Variants in SPPL3 observed in about 807,000 individuals in gnomAD.
SPPL3 encodes the protein signal peptide peptidase like 3.
SPPL3 carries 5 observed loss-of-function variants against 42.4 expected under a neutral mutation model. The observed-to-expected ratio is 0.12, with a 90% CI of 0.06 to 0.25. The LOEUF (loss-of-function observed/expected upper bound fraction) is 0.25, where lower values mean the gene tolerates loss of function less well. Among genes scored for constraint, SPPL3 ranks in the 10% least tolerant of loss-of-function variants. The pLI, the probability that SPPL3 is intolerant of heterozygous loss-of-function variation, is 1.00. For synonymous variants in SPPL3, 195 were observed against 181.8 expected, an observed-to-expected ratio of 1.07 and a Z score of -0.58; for missense variants, 235 against 489.0, an observed-to-expected ratio of 0.48 and a Z score of 4.90.
rs1158145574 is a variant in SPPL3, at chr12:120,820,993, T to C, written c.24-10107A>G. On this transcript the variant is annotated intron_variant, in intron 1 of 10. Coordinates refer to ENST00000353487, the MANE Select transcript of SPPL3 (RefSeq NM_139015.5). ...ATTTCATGGAAAGACATATATGAAA[T>C]ATACTATATGTTAATATTTTATATT... 2.0e-5 allele frequency among the ~76,000 whole-genome samples: 3 copies of C among 152,174 alleles called. No individual in the cohort carries two copies. In the East Asian group the frequency reaches 5.8e-4, roughly 29 times the overall value.
At chr12:120,881,328 G>A (rs1323503798) in intron 1 of SPPL3, among the ~76,000 whole-genome samples, 1 of 150,872 alleles carries the variant, frequency 6.6e-6, no homozygotes, top group East Asian at 1.9e-4. Flanking sequence ...AATTAGCTGG[G>A]CGTGTTGGTG....
At position 120,789,824 on chromosome 12, in the gene SPPL3, C is replaced by CAAAAAAAAAAAAAAAAAA. The variant is rs3050392; in HGVS notation, c.190+1627_190+1644dup. On this transcript the variant is annotated intron_variant, in intron 3 of 10. Transcript: ENST00000353487. ...TGAATGACAGAGCAAGACTCCGTCT[C>CAAAAAAAAAAAAAAAAAA]AAAAAAAAAAAAAAAAAAAAAAAAA... is the stretch of plus-strand genomic sequence containing the variant. Among the ~76,000 whole-genome samples the CAAAAAAAAAAAAAAAAAA allele has an allele frequency of 1.6e-4, 5 of 30,464 alleles. 1 individual carries two copies. Among genetic ancestry groups the CAAAAAAAAAAAAAAAAAA allele is most frequent in the Admixed American group, 4.3e-4 (1 of 2,308 alleles). The allele number at this position is 30,464 out of a possible 152,430, so 20.0% of individuals were successfully genotyped here.
intron 1 of SPPL3, chr12:120,835,381 A>C (rs1871577774): frequency 6.6e-6 from 1 of 152,242 alleles, no homozygotes; most frequent in African/African-American, 2.4e-5. Context: ...TTCTTTCGTT[A>C]TCTCTCCTTC....
intron 1 of SPPL3, among the ~76,000 whole-genome samples, chr12:120,893,727 C>T (rs1029638730): frequency 5.3e-5 from 8 of 152,110 alleles, no homozygotes; most frequent in Non-Finnish European, 1.0e-4. Flanking sequence ...GCCTTTTCAT[C>T]GCCACTGCAC....
chr12:120,874,090 A>C lies in SPPL3; in HGVS notation c.23+29755T>G, dbSNP rs146156480. Among the ~76,000 whole-genome samples the C allele has an allele frequency of 4.2e-3, 636 of 152,210 alleles. 4 individuals are homozygous for C. The highest frequency in any genetic ancestry group is 5.2e-3 in the Non-Finnish European group (355 of 68,014). On this transcript the variant is annotated intron_variant, in intron 1 of 10. Coordinates refer to ENST00000353487, the MANE Select transcript of SPPL3 (RefSeq NM_139015.5). ...CCCTACTACAACTAATGTTAAAGGA[A>C]TTTCTCCACACAGAAGAAAAATACC...
chr12:120,816,009 C>T (rs200836396), intron 1 of SPPL3, among the ~76,000 whole-genome samples: 3 of 152,102 alleles, frequency 2.0e-5, no homozygotes, highest in East Asian at 3.9e-4. Context: ...GGATTACATG[C>T]GTAAGCCACC....
chr12:120,796,681 A>G (rs1870109289), intron 2 of SPPL3, among the ~76,000 whole-genome samples: 1 of 152,158 alleles, frequency 6.6e-6, no homozygotes, highest in South Asian at 2.1e-4. Flanking sequence ...ATGATTTATT[A>G]GGTGGGTCTG....
At chr12:120,825,058 G>A (rs934468443) in intron 1 of SPPL3, among the ~76,000 whole-genome samples, 2 of 150,350 alleles carry the variant, frequency 1.3e-5, no homozygotes, top group Non-Finnish European at 3.0e-5. Flanking sequence ...ACTACCTTAA[G>A]TCTACTGGAT....
intron 1 of SPPL3, among the ~76,000 whole-genome samples, chr12:120,877,921 C>T (rs2137055037): frequency 6.6e-6 from 1 of 151,946 alleles, no homozygotes; most frequent in East Asian, 1.9e-4. Context: ...ACTTGGGAGC[C>T]TGAGGCAGGA....
At chr12:120,783,811 T>C (rs746773338) in intron 4 of SPPL3, 59 bp from the exon 5 acceptor site, 77 of 1,482,966 alleles carry the variant, frequency 5.2e-5, no homozygotes, top group Non-Finnish European at 6.1e-5. Context: ...GCATGACTTA[T>C]AGAAACTTCA....
Position 120,762,995 on chromosome 12 carries a change from G to C in SPPL3, c.*2004C>G, listed in dbSNP as rs191646573. The C allele has an allele frequency of 2.6e-5, 4 of 152,354 alleles. No individual in the cohort carries two copies. The highest frequency in any genetic ancestry group is 9.6e-5 in the African/African-American group (4 of 41,572). 9.4% of individuals were successfully genotyped at this position (152,354 alleles called of 1,614,324 possible). On this transcript the variant is annotated 3_prime_UTR_variant, in exon 11 of 11. Transcript: ENST00000353487. ...ATATGCATCCTCGAGGGCTGAGAAG[G>C]AAGGAAGGGAGAGTCCGCAAGTGGA... is the stretch of plus-strand genomic sequence containing the variant.
chr12:120,887,419 A>C (rs546825588), intron 1 of SPPL3, among the ~76,000 whole-genome samples: 1 of 152,036 alleles, frequency 6.6e-6, no homozygotes, highest in Non-Finnish European at 1.5e-5. Flanking sequence ...TGACACATCA[A>C]GGCACCCCTC....
At chr12:120,870,160 A>G (rs1872876395) in intron 1 of SPPL3, among the ~76,000 whole-genome samples, 1 of 152,192 alleles carries the variant, frequency 6.6e-6, no homozygotes, top group Non-Finnish European at 1.5e-5. Context: ...TAAAGAAAAA[A>G]AAGGGCCAAG....
At chr12:120,810,613 C>G (rs1033841023) in intron 2 of SPPL3, among the ~76,000 whole-genome samples, 196 bp downstream of exon 2, 1 of 152,168 alleles carries the variant, frequency 6.6e-6, no homozygotes, top group South Asian at 2.1e-4. Flanking sequence ...CATTAACATG[C>G]TAAACTCATA....
intron 1 of SPPL3, among the ~76,000 whole-genome samples, chr12:120,812,803 T>C (rs758041112): frequency 6.6e-6 from 1 of 152,228 alleles, no homozygotes; most frequent in Non-Finnish European, 1.5e-5. Context: ...TCTCTAAGCT[T>C]CAGCTTTTCA....
chr12:120,830,606 A>AGGGAGAGAGAGAG (rs377406347), intron 1 of SPPL3, among the ~76,000 whole-genome samples: 1 of 124,582 alleles, frequency 8.0e-6, no homozygotes, highest in Non-Finnish European at 1.7e-5. Flanking sequence ...AGAGAGAGAG[A>AGGGAGAGAGAGAG]AGGTGTACAT....
intron 9 of SPPL3, among the ~76,000 whole-genome samples, chr12:120,766,650 C>T (rs1216443463): frequency 1.4e-5 from 2 of 147,184 alleles, no homozygotes; most frequent in Admixed American, 6.7e-5. Context: ...CCTCTGTCTC[C>T]TGTGATGCTG....
intron 6 of SPPL3, among the ~76,000 whole-genome samples, chr12:120,772,670 C>T (rs1391459364): frequency 6.6e-6 from 1 of 152,176 alleles, no homozygotes; most frequent in Non-Finnish European, 1.5e-5. Context: ...ATAAATACAG[C>T]AGCTTGGCAG....
Position 120,765,162 on chromosome 12 carries a change from G to A in SPPL3, c.1084-92C>T, listed in dbSNP as rs116386051. 853 of 1,243,120 alleles carry A rather than the reference G, an allele frequency of 6.9e-4. 3 individuals are homozygous for A. The African/African-American group carries it at 0.012, about 17-fold the overall frequency. The allele number at this position is 1,243,120 out of a possible 1,614,324, so 77.0% of individuals were successfully genotyped here. On this transcript the variant is annotated intron_variant, in intron 10 of 10. Transcript: ENST00000353487. ...TAAAAAAAAAAAATTTTTTTTCCAG[G>A]TATGAAGTCTTCCTATATATTGGCC...
Sources: gnomAD v4.1 joint callset for allele counts (sites outside exome capture counted in the v4.1 genomes callset) on GRCh38, gnomAD v4.1.1 for gene constraint, MANE v1.5 for transcripts, NCBI Gene and HGNC (gene_info 2026-07-23, HGNC 2026-07-21) for gene names.